TEX29: variants seen among roughly 807,000 people sequenced by gnomAD.
The protein encoded by TEX29 is testis expressed 29, also known as testis-expressed protein 29.
In TEX29, 26 loss-of-function variants were observed where a neutral mutation model predicts 18.2. The observed-to-expected ratio is 1.43, with a 90% CI of 1.04 to 1.98. The LOEUF (loss-of-function observed/expected upper bound fraction) is 1.98, where lower values mean the gene tolerates loss of function less well. TEX29 is among the 30% of genes most tolerant of loss of function. TEX29 has a pLI of 0.00. For synonymous variants in TEX29, 83 were observed against 78.5 expected (o/e 1.06, Z -0.31); for missense variants, 177 against 194.2 (o/e 0.91, Z 0.53).
chr13:111,321,066 A>G (rs1159141272), intron 2 of TEX29, 118 bp downstream of exon 2: 1 of 1,139,914 alleles, frequency 8.8e-7, no homozygotes, highest in Admixed American at 2.2e-5. Context: ...AGACCTGGCT[A>G]GGAGGGCAAG....
intron 3 of TEX29, among the ~76,000 whole-genome samples, chr13:111,335,634 A>C (rs2093688550): frequency 2.0e-5 from 3 of 152,354 alleles, no homozygotes; most frequent in South Asian, 4.1e-4. Flanking sequence ...CCAGTTTCCA[A>C]GGCACTTATA....
At chr13:111,325,681 C>T (rs1287173588) in intron 2 of TEX29, among the ~76,000 whole-genome samples, 1 of 151,614 alleles carries the variant, frequency 6.6e-6, no homozygotes, top group African/African-American at 2.4e-5. Context: ...GAGGTGCGTG[C>T]AGGAAAATAA....
intron 4 of TEX29, among the ~76,000 whole-genome samples, chr13:111,342,454 G>C (rs1453378136): frequency 5.9e-5 from 9 of 151,448 alleles, no homozygotes. Flanking sequence ...CAGCACTTTG[G>C]GAGGCTGAGG....
upstream of TEX29, among the ~76,000 whole-genome samples, chr13:111,319,212 C>T (rs2093659604): frequency 6.6e-6 from 1 of 152,174 alleles, no homozygotes; most frequent in African/African-American, 2.4e-5. Context: ...GGCAATTCCA[C>T]TCCTAGGGAT....
chr13:111,324,527 G>A (rs2093669610), intron 2 of TEX29, among the ~76,000 whole-genome samples: 2 of 152,224 alleles, frequency 1.3e-5, no homozygotes, highest in Admixed American at 6.5e-5. Context: ...CTTGGATGGG[G>A]AGTCACACTG....
At chr13:111,334,417 G>A (rs920071653) in intron 3 of TEX29, among the ~76,000 whole-genome samples, 7 of 152,246 alleles carry the variant, frequency 4.6e-5, no homozygotes, top group African/African-American at 9.6e-5. Context: ...CTGTGTGCGT[G>A]CTGAGGCACA....
intron 3 of TEX29, among the ~76,000 whole-genome samples, chr13:111,338,032 T>G (rs1345762355): frequency 6.6e-6 from 1 of 152,186 alleles, no homozygotes; most frequent in Non-Finnish European, 1.5e-5. Flanking sequence ...CCTCATCCAT[T>G]GCTGGTGGCC....
In TEX29 at chr13:111,339,966, GA is replaced by G. The variant is rs763638865; in HGVS notation, c.239+35del. Reference sequence around the variant, plus strand: ...CTTTGTTCTTTACTGGGAGGGTGGGGAGGAGGGGACTCACCTCTCCTGGCCG... The same window carrying G: ...CTTTGTTCTTTACTGGGAGGGTGGGGGGAGGGGACTCACCTCTCCTGGCCG... On this transcript the variant is annotated intron_variant, in intron 4 of 5. Coordinates refer to ENST00000283547, the MANE Select transcript of TEX29 (RefSeq NM_152324.3). The G allele has an allele frequency of 7.7e-6, 11 of 1,436,566 alleles. 1 individual carries two copies. The highest frequency in any genetic ancestry group is 5.0e-5 in the Admixed American group (3 of 59,728). 89.0% of individuals were successfully genotyped at this position (1,436,566 alleles called of 1,614,324 possible). A position where few individuals can be genotyped will look rare whatever the true frequency, so the allele number is the denominator to read the frequency against.
At chr13:111,342,334 C>T (rs9652150) in intron 4 of TEX29, among the ~76,000 whole-genome samples, 3,800 of 152,244 alleles carry the variant, frequency 0.025, 153 homozygotes, top group African/African-American at 0.087. Context: ...CACCTTCCCC[C>T]TGCCCGGAGC....
intron 3 of TEX29, among the ~76,000 whole-genome samples, chr13:111,329,712 G>A (rs2093679807): frequency 6.6e-6 from 1 of 152,094 alleles, no homozygotes; most frequent in Non-Finnish European, 1.5e-5. Flanking sequence ...CTGGGAAGAG[G>A]GGCTTAAAAA....
At position 111,320,672 on chromosome 13, in the gene TEX29, TTTG is replaced by T. The variant is rs200750172; in HGVS notation, c.-119_-117del. On this transcript the variant is annotated 5_prime_UTR_variant, in exon 1 of 6. Coordinates refer to ENST00000283547, the MANE Select transcript of TEX29 (RefSeq NM_152324.3). ...GAGCGGCAGACAGAGGGGTGGCCAG[TTTG>T]TTGTTTTACCTAAAAGGTGTTTTCC... 2.2e-3 allele frequency: 1,252 copies of T among 574,436 alleles called. 10 individuals are homozygous for T. The highest frequency in any genetic ancestry group is 0.019 in the African/African-American group (1,002 of 53,088). The allele number at this position is 574,436 out of a possible 1,614,324, so 35.6% of individuals were successfully genotyped here. A position where few individuals can be genotyped will look rare whatever the true frequency, so the allele number is the denominator to read the frequency against.
chr13:111,343,467 C>A (rs1365914414), intron 5 of TEX29, among the ~76,000 whole-genome samples: 2 of 152,078 alleles, frequency 1.3e-5, no homozygotes, highest in Non-Finnish European at 2.9e-5. Context: ...GGTGCCCTGG[C>A]CACGTGGTGG....
chr13:111,339,799 T>C, intron 3 of TEX29, 64 bp from the exon 4 acceptor site: 1 of 1,576,020 alleles, frequency 6.3e-7, no homozygotes. Flanking sequence ...GGTTGCCTTT[T>C]CTTCATCTTC....
chr13:111,337,401 T>C (rs1205706344), intron 3 of TEX29, among the ~76,000 whole-genome samples: 1 of 152,192 alleles, frequency 6.6e-6, no homozygotes, highest in African/African-American at 2.4e-5. Context: ...TGACTCACTT[T>C]GCTGGGAAGT....
intron 3 of TEX29, among the ~76,000 whole-genome samples, chr13:111,338,119 C>A (rs915749134): frequency 1.0e-5 from 1 of 95,604 alleles, no homozygotes; most frequent in Non-Finnish European, 3.0e-5. Flanking sequence ...TCTGCACCTG[C>A]GGCCTTGCTT....
chr13:111,337,962 G>C (rs976952613), intron 3 of TEX29, among the ~76,000 whole-genome samples: 4 of 152,132 alleles, frequency 2.6e-5, no homozygotes, highest in Non-Finnish European at 5.9e-5. Flanking sequence ...ACCCTCACAA[G>C]CTGGCTTCAA....
intron 2 of TEX29, among the ~76,000 whole-genome samples, chr13:111,324,535 C>T (rs1254846348): frequency 6.6e-6 from 1 of 152,248 alleles, no homozygotes; most frequent in Non-Finnish European, 1.5e-5. Context: ...GGGAGTCACA[C>T]TGAGGACCCG....
At chr13:111,336,936 G>A (rs1402708265) in intron 3 of TEX29, among the ~76,000 whole-genome samples, 6 of 152,164 alleles carry the variant, frequency 3.9e-5, no homozygotes, top group African/African-American at 7.2e-5. Flanking sequence ...ATACTAAGAC[G>A]CTGACTAATA....
chr13:111,343,546 G>A (rs754781244), intron 5 of TEX29, among the ~76,000 whole-genome samples: 2 of 152,226 alleles, frequency 1.3e-5, no homozygotes. Flanking sequence ...TTTCTCATAT[G>A]TTGGTTTACC....
Sources: allele counts gnomAD v4.1 joint callset (sites outside exome capture counted in the v4.1 genomes callset), GRCh38; gene constraint gnomAD v4.1.1; transcripts MANE v1.5; gene names NCBI Gene and HGNC (gene_info 2026-07-23, HGNC 2026-07-21).